Variants in CEP192 observed in about 807,000 individuals in gnomAD.
CEP192 encodes centrosomal protein of 192 kDa.
CEP192 carries 151 observed loss-of-function variants against 271.8 expected under a neutral mutation model. The ratio of observed to expected loss-of-function variants is 0.56; its 90% CI spans 0.49 to 0.64. The LOEUF (loss-of-function observed/expected upper bound fraction) is 0.64. Among genes scored for constraint, CEP192 ranks in the 30% least tolerant of loss-of-function variants. The pLI is 0.00. For missense variants in CEP192, 2,910 were observed against 3,020.5 expected, an observed-to-expected ratio of 0.96 and a Z score of 0.86; for synonymous variants, 995 against 1,076.5, an observed-to-expected ratio of 0.92 and a Z score of 1.48.
At chr18:13,011,183 T>C (rs7236764) in intron 4 of CEP192, among the ~76,000 whole-genome samples, 105,267 of 149,444 alleles carry the variant, frequency 0.7, 38,219 homozygotes, top group African/African-American at 0.88. Flanking sequence ...GCCGAGATTG[T>C]GCCACTGCAT....
Position 13,055,916 on chromosome 18 carries a change from A to C in CEP192, c.3326A>C (p.Gln1109Pro), listed in dbSNP as rs11080623. 40,030 of 1,614,108 alleles carry C rather than the reference A, an allele frequency of 0.025. 605 individuals are homozygous for C. Among genetic ancestry groups the C allele is most frequent in the Non-Finnish European group, 0.029 (34,742 of 1,179,960 alleles). The change falls in exon 19 of 45, where the codon CAG becomes CCG. Residue 1109 changes from glutamine (Q) to proline (P), a missense_variant. Physicochemically the swap from Gln to Pro is moderately conservative, Grantham distance 76. Coordinates refer to ENST00000506447, the MANE Select transcript of CEP192 (RefSeq NM_032142.4). Reference sequence around the variant, plus strand: ...AAAGGAACATTATCATCTATTATCCAGAATAACTCTGATACAAGAAAAGCA... The same window carrying C: ...AAAGGAACATTATCATCTATTATCCCGAATAACTCTGATACAAGAAAAGCA... ...RGKGTLSSII[Q>P]NNSDTRKATE...
In CEP192 at chr18:13,072,850, G is replaced by A. The variant is rs1452755029; in HGVS notation, c.5439+5G>A. ...CAAGATCAGGACTGCTTTCAGGTTC[G>A]TAGAGTACGTGGATTCTTGTTATGT... On this transcript the variant is annotated splice_donor_5th_base_variant and intron_variant, in intron 29 of 44. Coordinates refer to ENST00000506447, the MANE Select transcript of CEP192 (RefSeq NM_032142.4). 18 of 1,601,190 alleles carry A rather than the reference G, an allele frequency of 1.1e-5. No individual in the cohort carries two copies. Among genetic ancestry groups the A allele is most frequent in the East Asian group, 2.2e-5 (1 of 44,820 alleles).
In CEP192 at chr18:13,009,366, T is replaced by C. The variant is rs150716289; in HGVS notation, c.466+735T>C. Among the ~76,000 whole-genome samples the C allele has an allele frequency of 5.6e-4, 85 of 152,376 alleles. No homozygotes were observed. The East Asian group carries it at 0.016, about 28-fold the overall frequency. On this transcript the variant is annotated intron_variant, in intron 4 of 44. Transcript: ENST00000506447. ...ATATTCAAGACAAGCCTATTTTTAG[T>C]GCATCTTCCACTTTTCTCCCACTAA...
At chr18:13,111,762 T>C (rs1260735303) in intron 40 of CEP192, among the ~76,000 whole-genome samples, 1 of 152,212 alleles carries the variant, frequency 6.6e-6, no homozygotes, top group Non-Finnish European at 1.5e-5. Context: ...CGTAAAGAAC[T>C]CTTACAACCC....
chr18:13,031,236 T>C (rs1318116292), intron 11 of CEP192, among the ~76,000 whole-genome samples: 2 of 147,698 alleles, frequency 1.4e-5, no homozygotes, highest in African/African-American at 2.5e-5. Flanking sequence ...AGCCTGGCCT[T>C]ATTGTTGTTT....
chr18:13,115,691 G>A (rs2040396951), intron 42 of CEP192, among the ~76,000 whole-genome samples: 1 of 152,152 alleles, frequency 6.6e-6, no homozygotes, highest in African/African-American at 2.4e-5. Flanking sequence ...CTGTGAGAGG[G>A]TCGGCTCCCA....
At chr18:13,062,753 TAA>T (rs775168614) in intron 21 of CEP192, among the ~76,000 whole-genome samples, 7 of 152,172 alleles carry the variant, frequency 4.6e-5, no homozygotes, top group Non-Finnish European at 8.8e-5. Context: ...TTACATACTT[TAA>T]GTTATTTTAA....
intron 9 of CEP192, among the ~76,000 whole-genome samples, chr18:13,029,063 G>T (rs1455681714): frequency 5.3e-5 from 8 of 152,226 alleles, no homozygotes; most frequent in African/African-American, 1.9e-4. Flanking sequence ...GCAGCCAAAT[G>T]TCCACTAACA....
intron 1 of CEP192, among the ~76,000 whole-genome samples, chr18:12,997,917 G>T (rs2033361722): frequency 6.6e-6 from 1 of 152,040 alleles, no homozygotes; most frequent in African/African-American, 2.4e-5. Flanking sequence ...TAGAGACGAG[G>T]TTTTACCACG....
chr18:13,056,234 T>A lies in CEP192; in HGVS notation c.3644T>A (p.Val1215Asp). 6.2e-7 allele frequency: 1 copy of A among 1,613,866 alleles called. No individual in the cohort carries two copies. Among genetic ancestry groups the A allele is most frequent in the Non-Finnish European group, 8.5e-7 (1 of 1,179,856 alleles). The change falls in exon 19 of 45, where the codon GTT becomes GAT. Residue 1215 changes from valine to aspartate, a missense_variant. Physicochemically the swap from Val to Asp is radical, Grantham distance 152 (BLOSUM62 -3). Transcript: ENST00000506447. Reference sequence around the variant, plus strand: ...GCTGGCCGTGAGTTCAGTGGCCAGGTTTCTCATCAGACCACCTCTGAAAAC... The same window carrying A: ...GCTGGCCGTGAGTTCAGTGGCCAGGATTCTCATCAGACCACCTCTGAAAAC... ...STAGREFSGQ[V>D]SHQTTSENQC...
At chr18:12,997,759 C>T (rs1033469106) in intron 1 of CEP192, among the ~76,000 whole-genome samples, 3 of 152,146 alleles carry the variant, frequency 2.0e-5, no homozygotes, top group South Asian at 4.1e-4. Context: ...GAGTCTCGCT[C>T]CATCACCCAG....
rs140516428 is a variant in CEP192, at chr18:13,036,900, A to C, written c.1535-337A>C. Among the ~76,000 whole-genome samples the C allele has an allele frequency of 1.9e-3, 287 of 152,350 alleles. 6 individuals carry two copies. The East Asian group carries it at 0.037, about 20-fold the overall frequency. On this transcript the variant is annotated intron_variant, in intron 11 of 44. Coordinates refer to ENST00000506447, the MANE Select transcript of CEP192 (RefSeq NM_032142.4). ...CTTATCAGTCTGATGACTCCTGATG[A>C]AATTCCACCAGCATTCATGGATGAG...
intron 33 of CEP192, among the ~76,000 whole-genome samples, chr18:13,090,485 A>G (rs2039089166): frequency 6.6e-6 from 1 of 151,998 alleles, no homozygotes; most frequent in African/African-American, 2.4e-5. Flanking sequence ...CCCTGTTTTT[A>G]TTTTCTAGTT....
intron 7 of CEP192, among the ~76,000 whole-genome samples, chr18:13,018,121 A>T (rs2034768447): frequency 6.6e-6 from 1 of 152,164 alleles, no homozygotes; most frequent in African/African-American, 2.4e-5. Flanking sequence ...ATTGCCCTAC[A>T]CCGGGAGACG....
At chr18:13,083,620 G>A (rs2038741956) in intron 30 of CEP192, among the ~76,000 whole-genome samples, 1 of 152,184 alleles carries the variant, frequency 6.6e-6, no homozygotes. Flanking sequence ...ACTGCTGTCA[G>A]CTCATCAAAG....
rs1836832641 is a variant in CEP192, at chr18:13,001,695, C to A, written c.290+113C>A. 4 of 1,117,526 alleles carry A rather than the reference C, an allele frequency of 3.6e-6. No individual in the cohort carries two copies. In the South Asian group the frequency reaches 7.4e-5, roughly 21 times the overall value. The allele number at this position is 1,117,526 out of a possible 1,614,324, so 69.2% of individuals were successfully genotyped here. ...ATTAATTCTGATTAATTCTAAGAATCTTGAAGAGTTTTCTTTTATTTTGAG... is the reference window on the plus strand; with the variant it reads ...ATTAATTCTGATTAATTCTAAGAATATTGAAGAGTTTTCTTTTATTTTGAG... On this transcript the variant is annotated intron_variant, in intron 3 of 44. Coordinates refer to ENST00000506447, the MANE Select transcript of CEP192 (RefSeq NM_032142.4).
At chr18:13,023,008 G>A (rs1266098171) in intron 9 of CEP192, among the ~76,000 whole-genome samples, 4 of 152,130 alleles carry the variant, frequency 2.6e-5, no homozygotes, top group African/African-American at 9.7e-5. Context: ...GTATAGGAAA[G>A]CAGTTAACTT....
intron 9 of CEP192, among the ~76,000 whole-genome samples, chr18:13,028,569 G>T (rs1476075013): frequency 2.0e-5 from 3 of 152,088 alleles, no homozygotes; most frequent in African/African-American, 7.2e-5. Context: ...CCCCAGGCTG[G>T]AGTGCAATGG....
chr18:13,090,784 A>G (rs758786476), intron 33 of CEP192, among the ~76,000 whole-genome samples: 2 of 152,148 alleles, frequency 1.3e-5, no homozygotes, highest in African/African-American at 4.8e-5. Flanking sequence ...TCCTCATAGG[A>G]AGGATCCAAA....
Sources: allele counts gnomAD v4.1 joint callset (sites outside exome capture counted in the v4.1 genomes callset), GRCh38; gene constraint gnomAD v4.1.1; transcripts MANE v1.5; gene names NCBI Gene and HGNC (gene_info 2026-07-23, HGNC 2026-07-21).